The following ANKFN1 variants were observed in gnomAD, a reference collection of about 807,000 sequenced individuals.
The protein encoded by ANKFN1 is ankyrin repeat and fibronectin type III domain containing 1, also known as ankyrin repeat and fibronectin type-III domain-containing protein 1.
A neutral mutation model predicts 108.7 loss-of-function variants in ANKFN1; 74 were observed. The ratio of observed to expected loss-of-function variants is 0.68; its 90% CI spans 0.56 to 0.83. The LOEUF (loss-of-function observed/expected upper bound fraction) is 0.83. Among genes scored for constraint, ANKFN1 ranks in the 40% least tolerant of loss-of-function variants. ANKFN1 has a pLI of 0.00. For synonymous variants in ANKFN1, 547 were observed against 516.2 expected (o/e 1.06, Z -0.81); for missense variants, 1,505 against 1,382.3 (o/e 1.09, Z -1.41).
chr17:56,126,232 A>G (rs1267338680), intron 4 of ANKFN1, among the ~76,000 whole-genome samples: 3 of 152,158 alleles, frequency 2.0e-5, no homozygotes, highest in Non-Finnish European at 4.4e-5. Context: ...TGGAAAATAA[A>G]TAATTGTCTT....
chr17:56,295,615 G>GGT (rs150224568), intron 3 of ANKFN1, among the ~76,000 whole-genome samples: 5,891 of 151,642 alleles, frequency 0.039, 365 homozygotes, highest in African/African-American at 0.14. Flanking sequence ...GTGTGTGGGC[G>GGT]GTGTGTGTGT....
At chr17:56,503,271 T>C (rs2051434928) in intron 20 of ANKFN1, among the ~76,000 whole-genome samples, 1 of 151,752 alleles carries the variant, frequency 6.6e-6, no homozygotes, top group Non-Finnish European at 1.5e-5. Flanking sequence ...GTAACCTTTT[T>C]CCAGATGATG....
chr17:56,294,967 G>C (rs1439782736), intron 3 of ANKFN1, among the ~76,000 whole-genome samples: 1 of 152,166 alleles, frequency 6.6e-6, no homozygotes, highest in Non-Finnish European at 1.5e-5. Flanking sequence ...TCCAATTTCT[G>C]TGACAGCTAC....
intron 4 of ANKFN1, among the ~76,000 whole-genome samples, chr17:56,338,190 A>T (rs1280750604): frequency 6.6e-6 from 1 of 152,128 alleles, no homozygotes; most frequent in Non-Finnish European, 1.5e-5. Flanking sequence ...TTCTCAGCAA[A>T]CTATCACAAG....
intron 16 of ANKFN1, among the ~76,000 whole-genome samples, chr17:56,479,149 T>C (rs1405074454): frequency 6.6e-6 from 1 of 152,192 alleles, no homozygotes; most frequent in African/African-American, 2.4e-5. Flanking sequence ...TATCTCCTAG[T>C]GGTTATACCA....
At chr17:56,244,816 A>G (rs1917841671) in intron 3 of ANKFN1, among the ~76,000 whole-genome samples, 1 of 152,172 alleles carries the variant, frequency 6.6e-6, no homozygotes, top group Admixed American at 6.5e-5. Context: ...TCAGTAAAAT[A>G]GAGAATTTAA....
At chr17:56,180,470 A>ATAATGTTAAATATAATAAATGTTAAATAT (rs1911588149) in intron 1 of ANKFN1, among the ~76,000 whole-genome samples, 1 of 152,176 alleles carries the variant, frequency 6.6e-6, no homozygotes, top group Non-Finnish European at 1.5e-5. Context: ...CATAACATTC[A>ATAATGTTAAATATAATAAATGTTAAATAT]ACTAAGCAGT....
chr17:56,125,195 G>T (rs1026545260), intron 4 of ANKFN1, among the ~76,000 whole-genome samples: 2 of 152,174 alleles, frequency 1.3e-5, no homozygotes, highest in African/African-American at 4.8e-5. Flanking sequence ...CTTTCACTAT[G>T]GGCAGCCTGA....
intron 1 of ANKFN1, among the ~76,000 whole-genome samples, chr17:56,154,220 A>T (rs1482322056): frequency 6.6e-6 from 1 of 152,146 alleles, no homozygotes; most frequent in Non-Finnish European, 1.5e-5. Flanking sequence ...TGACTTGGTT[A>T]ATACTAATCA....
At chr17:56,310,207 A>G (rs1371217086) in intron 3 of ANKFN1, among the ~76,000 whole-genome samples, 1 of 152,212 alleles carries the variant, frequency 6.6e-6, no homozygotes, top group Non-Finnish European at 1.5e-5. Flanking sequence ...TTTAAAGTTT[A>G]TGAATTGTTT....
chr17:56,277,859 A>T (rs562716535), intron 3 of ANKFN1, among the ~76,000 whole-genome samples: 2 of 152,170 alleles, frequency 1.3e-5, no homozygotes, highest in Non-Finnish European at 2.9e-5. Flanking sequence ...GAGTCACACG[A>T]TCTACAGTAT....
chr17:56,373,265 ATAT>A (rs2046859294), intron 7 of ANKFN1, among the ~76,000 whole-genome samples: 2 of 152,326 alleles, frequency 1.3e-5, no homozygotes, highest in African/African-American at 4.8e-5. Flanking sequence ...GCATTTTTTT[ATAT>A]AGAGCTATAA....
chr17:56,419,825 A>C (rs752006110), intron 8 of ANKFN1, among the ~76,000 whole-genome samples: 1 of 144,782 alleles, frequency 6.9e-6, no homozygotes, highest in Admixed American at 6.8e-5. Context: ...AAAAAAAAAA[A>C]AAAGAAAGAA....
chr17:56,143,715 C>T (rs982085163), intron 4 of ANKFN1, among the ~76,000 whole-genome samples: 1 of 152,112 alleles, frequency 6.6e-6, no homozygotes, highest in Non-Finnish European at 1.5e-5. Flanking sequence ...TCCAGTGATG[C>T]GTCCTTATAA....
intron 4 of ANKFN1, among the ~76,000 whole-genome samples, chr17:56,344,959 G>A (rs540183180): frequency 1.3e-5 from 2 of 152,104 alleles, no homozygotes; most frequent in African/African-American, 4.8e-5. Flanking sequence ...CATGTGCCCT[G>A]GTGGTTTGCT....
rs559585554 is a variant in ANKFN1, at chr17:56,172,588, G to C, written c.-71+19058G>C. On this transcript the variant is annotated intron_variant, in intron 1 of 20. Transcript: ENST00000682825. ...CAGTGAGAGCTCTTATTGGTCCCAAGAGCAGGACATGGGAGGTGCCAACTC... is the reference window on the plus strand; with the variant it reads ...CAGTGAGAGCTCTTATTGGTCCCAACAGCAGGACATGGGAGGTGCCAACTC... Among the ~76,000 whole-genome samples the C allele has an allele frequency of 1.1e-3, 162 of 152,256 alleles. 5 individuals are homozygous for C. The South Asian group carries it at 0.032, about 30-fold the overall frequency.
intron 3 of ANKFN1, among the ~76,000 whole-genome samples, chr17:56,308,539 G>A (rs141579680): frequency 2.1e-4 from 32 of 152,016 alleles, no homozygotes; most frequent in Admixed American, 5.9e-4. Flanking sequence ...TTTCTAGTGA[G>A]CATTTCAATA....
At chr17:56,397,430 G>A (rs2047620380) in intron 8 of ANKFN1, among the ~76,000 whole-genome samples, 1 of 152,186 alleles carries the variant, frequency 6.6e-6, no homozygotes, top group South Asian at 2.1e-4. Flanking sequence ...ACTGCCAAAG[G>A]AAGGATTTAG....
chr17:56,197,127 A>T (rs1371876722), intron 1 of ANKFN1, among the ~76,000 whole-genome samples: 1 of 152,230 alleles, frequency 6.6e-6, no homozygotes, highest in Non-Finnish European at 1.5e-5. Flanking sequence ...GTTTCATTTT[A>T]TGACATATCA....
Sources: allele counts gnomAD v4.1 joint callset (sites outside exome capture counted in the v4.1 genomes callset), GRCh38; gene constraint gnomAD v4.1.1; transcripts MANE v1.5; gene names NCBI Gene and HGNC (gene_info 2026-07-23, HGNC 2026-07-21).